The following ABHD12 variants were observed in gnomAD, a reference collection of about 807,000 sequenced individuals.
The protein encoded by ABHD12 is abhydrolase domain containing 12, lysophospholipase.
Under a neutral mutation model 58.3 loss-of-function variants are expected in ABHD12, and 43 were observed. That is an observed-to-expected ratio of 0.74 (90% CI 0.58 to 0.95). The LOEUF (loss-of-function observed/expected upper bound fraction) is 0.95. ABHD12 is among the 40% of genes least tolerant of loss of function. The pLI, the probability that ABHD12 is intolerant of heterozygous loss-of-function variation, is 0.00. For synonymous variants in ABHD12, 219 were observed against 211.2 expected, an observed-to-expected ratio of 1.04 and a Z score of -0.32; for missense variants, 539 against 537.2, an observed-to-expected ratio of 1.00 and a Z score of -0.03.
chr20:25,362,893 G>A lies in ABHD12; in HGVS notation c.192-23542C>T, dbSNP rs973809190. ...TCTCCATGTTGGTCAGGCTACTCTC[G>A]AAGTCCCAACCTCAGGTGATCTGCC... On this transcript the variant is annotated intron_variant, in intron 1 of 12. Coordinates refer to ENST00000339157, the MANE Select transcript of ABHD12 (RefSeq NM_001042472.3). Among the ~76,000 whole-genome samples the A allele has an allele frequency of 2.6e-5, 4 of 151,868 alleles. No homozygotes were observed. The East Asian group carries it at 5.9e-4, about 22-fold the overall frequency.
intron 1 of ABHD12, among the ~76,000 whole-genome samples, chr20:25,350,697 A>G (rs2089586281): frequency 6.6e-6 from 1 of 152,178 alleles, no homozygotes; most frequent in Non-Finnish European, 1.5e-5. Context: ...CTAAAAATAA[A>G]ATCCTAAGCC....
At chr20:25,390,251 G>C (rs2090151732) in intron 1 of ABHD12, 1 of 360,104 alleles carries the variant, frequency 2.8e-6, no homozygotes. Flanking sequence ...GCTAGGCCAG[G>C]AGTGCCTGGC....
Position 25,300,899 on chromosome 20 carries a change from A to G in ABHD12, c.1158-15T>C. ...CCAGGAATTCCCTAGACCACAGGACAATCAGGAGCCAATCATTTGAGCTCA... is the reference window on the plus strand; with the variant it reads ...CCAGGAATTCCCTAGACCACAGGACGATCAGGAGCCAATCATTTGAGCTCA... On this transcript the variant is annotated splice_polypyrimidine_tract_variant and intron_variant, in intron 12 of 12. Coordinates refer to ENST00000339157, the MANE Select transcript of ABHD12 (RefSeq NM_001042472.3). 6.2e-7 allele frequency: 1 copy of G among 1,613,184 alleles called. No homozygotes were observed. The highest frequency in any genetic ancestry group is 8.5e-7 in the Non-Finnish European group (1 of 1,179,278).
At chr20:25,304,215 G>A (rs915381203) in intron 10 of ABHD12, among the ~76,000 whole-genome samples, 2 of 152,274 alleles carry the variant, frequency 1.3e-5, no homozygotes, top group Admixed American at 6.5e-5. Flanking sequence ...TGTGCTCCGT[G>A]AGGGCAGCGC....
chr20:25,371,912 C>T (rs1451744288), intron 1 of ABHD12, among the ~76,000 whole-genome samples: 3 of 152,194 alleles, frequency 2.0e-5, no homozygotes, highest in South Asian at 2.1e-4. Flanking sequence ...TTACTATAGG[C>T]ATTCAGTGCT....
chr20:25,310,002 C>T (rs1208184091), intron 6 of ABHD12, among the ~76,000 whole-genome samples: 1 of 152,218 alleles, frequency 6.6e-6, no homozygotes, highest in Non-Finnish European at 1.5e-5. Context: ...AGTGAGCTCA[C>T]TTCTCCCTCT....
chr20:25,370,365 G>A (rs1176272767), intron 1 of ABHD12, among the ~76,000 whole-genome samples: 3 of 152,070 alleles, frequency 2.0e-5, no homozygotes, highest in African/African-American at 7.2e-5. Context: ...CCAAGAGAAG[G>A]CTCTGTGGAA....
intron 5 of ABHD12, 25 bp from the exon 6 acceptor site, chr20:25,314,995 T>C (rs1467430293): frequency 6.8e-6 from 11 of 1,613,886 alleles, no homozygotes; most frequent in Non-Finnish European, 9.3e-6. Flanking sequence ...ATAAACATCT[T>C]TGGCAACAAA....
intron 1 of ABHD12, among the ~76,000 whole-genome samples, chr20:25,386,201 A>C (rs1202140436): frequency 1.3e-5 from 2 of 151,882 alleles, no homozygotes; most frequent in African/African-American, 4.8e-5. Flanking sequence ...CAACTTGATA[A>C]AGGTTGCATA....
chr20:25,328,122 C>G (rs2089207410), intron 2 of ABHD12, among the ~76,000 whole-genome samples: 1 of 151,164 alleles, frequency 6.6e-6, no homozygotes, highest in African/African-American at 2.4e-5. Flanking sequence ...AAAAAAAGAA[C>G]ACAGCCATAC....
At chr20:25,308,827 C>T (rs545782812) in intron 7 of ABHD12, among the ~76,000 whole-genome samples, 75 of 152,230 alleles carry the variant, frequency 4.9e-4, no homozygotes, top group Non-Finnish European at 1.0e-3. Flanking sequence ...CTGGAGCCCA[C>T]CACACCCAGG....
intron 5 of ABHD12, 44 bp downstream of exon 5, chr20:25,317,004 A>C: frequency 6.3e-7 from 1 of 1,596,728 alleles, no homozygotes; most frequent in South Asian, 1.1e-5. Flanking sequence ...CCTGCCCTGG[A>C]AAGAACAGCC....
At chr20:25,362,643 C>T (rs1258152490) in intron 1 of ABHD12, among the ~76,000 whole-genome samples, 3 of 149,720 alleles carry the variant, frequency 2.0e-5, no homozygotes, top group Non-Finnish European at 3.0e-5. Context: ...GAGGGGACTC[C>T]ATGAGTTTTG....
chr20:25,295,414 C>T (rs1600747846), downstream of ABHD12, among the ~76,000 whole-genome samples: 1 of 152,378 alleles, frequency 6.6e-6, no homozygotes, highest in East Asian at 1.9e-4. Context: ...ATAAGTGTTG[C>T]TCACAGAGAA....
intron 1 of ABHD12, among the ~76,000 whole-genome samples, chr20:25,361,022 G>A (rs538113476): frequency 2.4e-4 from 37 of 152,340 alleles, no homozygotes; most frequent in Non-Finnish European, 3.7e-4. Context: ...GCCATCTTCC[G>A]CAGCTCTCAG....
chr20:25,329,420 C>G (rs1568733193), intron 2 of ABHD12, among the ~76,000 whole-genome samples: 1 of 152,158 alleles, frequency 6.6e-6, no homozygotes, highest in Non-Finnish European at 1.5e-5. Context: ...CTGCTTCCCC[C>G]AGTTTTCACT....
At chr20:25,322,383 T>TATATATATATA (rs1568727719) in intron 3 of ABHD12, among the ~76,000 whole-genome samples, 2 of 31,584 alleles carry the variant, frequency 6.3e-5, no homozygotes, top group African/African-American at 1.6e-4. Flanking sequence ...ATATATATAT[T>TATATATATATA]TTTTTTTTTT....
At chr20:25,367,291 A>G (rs1370947476) in intron 1 of ABHD12, among the ~76,000 whole-genome samples, 1 of 152,172 alleles carries the variant, frequency 6.6e-6, no homozygotes, top group Non-Finnish European at 1.5e-5. Flanking sequence ...ACATGGAGGG[A>G]GGGCTTACAG....
At chr20:25,387,791 C>G (rs534156152) in intron 1 of ABHD12, among the ~76,000 whole-genome samples, 32 of 151,402 alleles carry the variant, frequency 2.1e-4, no homozygotes, top group African/African-American at 7.5e-4. Flanking sequence ...GCCTGTAATC[C>G]CAGCAATTTG....
Sources: allele counts gnomAD v4.1 joint callset (sites outside exome capture counted in the v4.1 genomes callset), GRCh38; gene constraint gnomAD v4.1.1; transcripts MANE v1.5; gene names NCBI Gene and HGNC (gene_info 2026-07-23, HGNC 2026-07-21).